Variants in SCN9A observed in about 807,000 individuals in gnomAD.
SCN9A encodes sodium channel protein type 9 subunit alpha.
A neutral mutation model predicts 187.0 loss-of-function variants in SCN9A; 131 were observed. The observed-to-expected ratio is 0.70, with a 90% confidence interval of 0.61 to 0.81. SCN9A has a LOEUF of 0.81. SCN9A is among the 30% of genes least tolerant of loss of function. The pLI, the probability that SCN9A is intolerant of heterozygous loss-of-function variation, is 0.00. For synonymous variants in SCN9A, 809 were observed against 808.6 expected (o/e 1.00, Z -0.01); for missense variants, 2,252 against 2,396.6 (o/e 0.94, Z 1.26).
intron 17 of SCN9A, among the ~76,000 whole-genome samples, chr2:166,269,137 T>A (rs2106454414): frequency 6.6e-6 from 1 of 151,990 alleles, no homozygotes; most frequent in East Asian, 1.9e-4. Context: ...AAAAAATTAG[T>A]GAAAATCAAG....
At chr2:166,326,288 G>A (rs76510000) in intron 1 of SCN9A, among the ~76,000 whole-genome samples, 72 of 152,246 alleles carry the variant, frequency 4.7e-4, no homozygotes, top group African/African-American at 1.4e-3. Flanking sequence ...TCAAAGGTGC[G>A]AAACGATTGA....
intron 24 of SCN9A, among the ~76,000 whole-genome samples, chr2:166,216,303 T>A (rs1342090577): frequency 2.0e-5 from 3 of 152,100 alleles, no homozygotes; most frequent in Non-Finnish European, 4.4e-5. Context: ...GTTGGGAGCT[T>A]TTCTTCTAAG....
At position 166,277,342 on chromosome 2, in the gene SCN9A, A is replaced by C; in HGVS notation, c.2518-3T>G. 6.3e-7 allele frequency: 1 copy of C among 1,579,900 alleles called. No homozygotes were observed. Among genetic ancestry groups the C allele is most frequent in the East Asian group, 2.2e-5 (1 of 44,540 alleles). On this transcript the variant is annotated splice_region_variant and splice_polypyrimidine_tract_variant and intron_variant, in intron 15 of 26. Coordinates refer to ENST00000642356, the MANE Select transcript of SCN9A (RefSeq NM_001365536.1). The stretch of plus-strand genomic sequence containing the variant: ...TTTGCCAACTTGAAGACTCGGAGCT[A>C]AAAGCAAATATAAAGTTTAATGTTA...
chr2:166,290,628 A>G (rs1235741698), intron 9 of SCN9A, among the ~76,000 whole-genome samples: 2 of 152,142 alleles, frequency 1.3e-5, no homozygotes, highest in Non-Finnish European at 2.9e-5. Flanking sequence ...TTGAGATGGT[A>G]TCTCATTGTG....
chr2:166,198,129 C>T lies in SCN9A; in HGVS notation c.*543G>A, dbSNP rs981473868. 2 of 151,444 alleles carry T rather than the reference C, an allele frequency of 1.3e-5. No homozygotes were observed. Among genetic ancestry groups the T allele is most frequent in the African/African-American group, 2.5e-5 (1 of 40,594 alleles). 9.4% of individuals were successfully genotyped at this position (151,444 alleles called of 1,614,324 possible). On this transcript the variant is annotated 3_prime_UTR_variant, in exon 27 of 27. Coordinates refer to ENST00000642356, the MANE Select transcript of SCN9A (RefSeq NM_001365536.1). ...TGATGCAATGTAGAATAAATTTAAG[C>T]ACCTCAAAATATAGAATAACCTCTG...
At chr2:166,244,348 G>T (rs1695696332) in intron 18 of SCN9A, among the ~76,000 whole-genome samples, 1 of 151,974 alleles carries the variant, frequency 6.6e-6, no homozygotes, top group Non-Finnish European at 1.5e-5. Flanking sequence ...TTAAGGGAGA[G>T]AATTCAATGG....
intron 1 of SCN9A, among the ~76,000 whole-genome samples, chr2:166,367,556 C>T (rs952306089): frequency 1.3e-5 from 2 of 152,138 alleles, no homozygotes; most frequent in South Asian, 2.1e-4. Context: ...TAAGCCACCG[C>T]GCCTGGCCCA....
Position 166,204,119 on chromosome 2 carries a change from T to G in SCN9A, c.4610A>C (p.Glu1537Ala). 1.2e-6 allele frequency: 2 copies of G among 1,612,734 alleles called. No individual in the cohort carries two copies. The highest frequency in any genetic ancestry group is 1.1e-5 in the South Asian group (1 of 91,052). ...LNMVTMMVEK[E>A]GQSQHMTEVL... The stretch of plus-strand genomic sequence containing the variant: ...TTCAGTCATATGTTGACTTTGACCC[T>G]CCTTTTCTACCATCATGGTTACCAT... The change falls in exon 26 of 27, where the codon GAG becomes GCG. Residue 1537 changes from glutamate to alanine, a missense_variant. By Grantham distance (107) the Glu-to-Ala change is moderately radical. Transcript: ENST00000642356.
At chr2:166,342,761 T>C (rs907005709) in intron 1 of SCN9A, among the ~76,000 whole-genome samples, 16 of 152,244 alleles carry the variant, frequency 1.1e-4, no homozygotes, top group African/African-American at 3.9e-4. Context: ...TTTAAATCTA[T>C]CATTACCTTG....
intron 9 of SCN9A, among the ~76,000 whole-genome samples, chr2:166,289,517 TC>T (rs1697945474): frequency 6.6e-6 from 1 of 152,126 alleles, no homozygotes; most frequent in South Asian, 2.1e-4. Context: ...ATGAACTTAT[TC>T]TTTTTTATGG....
At chr2:166,320,254 T>C (rs1400460185) in intron 1 of SCN9A, among the ~76,000 whole-genome samples, 1 of 152,128 alleles carries the variant, frequency 6.6e-6, no homozygotes, top group Non-Finnish European at 1.5e-5. Context: ...AATTTTATAA[T>C]AGTTATTATT....
In SCN9A at chr2:166,198,761, T is replaced by TATCA. The variant is rs1693325745; in HGVS notation, c.5874_5877dup (p.Ser1960Ter). 1 of 1,613,592 alleles carries TATCA rather than the reference T, an allele frequency of 6.2e-7. No homozygotes were observed. Among genetic ancestry groups the TATCA allele is most frequent in the Non-Finnish European group, 8.5e-7 (1 of 1,179,608 alleles). ...TTCTCTTTGTCTGGCTTTGTTACAC[T>TATCA]ATCATATGAAGGTGGAGAGGTGGTG... On this transcript the variant is annotated stop_gained and frameshift_variant, in exon 27 of 27. Transcript: ENST00000642356. LOFTEE classifies it high-confidence loss of function.
At position 166,251,707 on chromosome 2, in the gene SCN9A, G is replaced by T. The variant is rs922085239; in HGVS notation, c.3472+58C>A. On this transcript the variant is annotated intron_variant, in intron 18 of 26. Coordinates refer to ENST00000642356, the MANE Select transcript of SCN9A (RefSeq NM_001365536.1). ...ACCTCTGGTAAGTATTAGGCGTTAA[G>T]ACAAACCCCAGAACACTAATTAAGG... The T allele has an allele frequency of 2.8e-5, 45 of 1,599,968 alleles. No homozygotes were observed. In the African/African-American group the frequency reaches 5.5e-4, roughly 20 times the overall value.
intron 1 of SCN9A, among the ~76,000 whole-genome samples, chr2:166,343,798 AAAAAG>A (rs149739106): frequency 0.22 from 33,763 of 151,438 alleles, 4,738 homozygotes; most frequent in African/African-American, 0.4. Flanking sequence ...TGTGTTTCAA[AAAAAG>A]AAAAGAAAAG....
chr2:166,226,649 A>T lies in SCN9A; in HGVS notation c.4316T>A (p.Val1439Asp). Reference sequence around the variant, plus strand: ...GAAGAATGACCCAAAGATGATAAAGACGACAAAATAAATATACATGTAGAG... The same window carrying T: ...GAAGAATGACCCAAAGATGATAAAGTCGACAAAATAAATATACATGTAGAG... ...YSLYMYIYFV[V>D]FIIFGSFFTL... Residue 1439 changes from valine (V) to aspartate (D), a missense_variant, in exon 24 of 27, where the codon GTC becomes GAC. This residue lies in a region of SCN9A where 368 missense variants were observed against 408.6 expected (regional missense o/e 0.90). Transcript: ENST00000642356. 3.1e-6 allele frequency: 5 copies of T among 1,592,042 alleles called. No homozygotes were observed. The highest frequency in any genetic ancestry group is 4.3e-6 in the Non-Finnish European group (5 of 1,169,174).
intron 1 of SCN9A, among the ~76,000 whole-genome samples, chr2:166,323,431 C>G (rs1306167614): frequency 6.6e-6 from 1 of 152,136 alleles, no homozygotes; most frequent in African/African-American, 2.4e-5. Context: ...ACTATGAAAA[C>G]CCTTCACATA....
At chr2:166,254,512 T>C (rs1696181424) in intron 17 of SCN9A, among the ~76,000 whole-genome samples, 1 of 151,400 alleles carries the variant, frequency 6.6e-6, no homozygotes, top group Non-Finnish European at 1.5e-5. Context: ...CGGTGAAATA[T>C]ATTGAATTCT....
chr2:166,369,075 C>T (rs2105327377), intron 1 of SCN9A, among the ~76,000 whole-genome samples: 1 of 151,870 alleles, frequency 6.6e-6, no homozygotes, highest in Admixed American at 6.6e-5. Flanking sequence ...CTCATATCTA[C>T]TTATCATGTG....
intron 6 of SCN9A, 131 bp downstream of exon 6, chr2:166,304,107 A>G: frequency 6.2e-7 from 1 of 1,613,664 alleles, no homozygotes; most frequent in East Asian, 2.2e-5. Context: ...CCAGGTCCAC[A>G]AACTCTGTCA....
Sources: allele counts gnomAD v4.1 joint callset (sites outside exome capture counted in the v4.1 genomes callset), GRCh38; gene constraint gnomAD v4.1.1; regional missense constraint gnomAD v4.1.1; transcripts MANE v1.5; gene names NCBI Gene and HGNC (gene_info 2026-07-23, HGNC 2026-07-21).